Variants in MALRD1 observed in about 807,000 individuals in gnomAD.
MALRD1 encodes the protein MAM and LDL receptor class A domain containing 1, also known as MAM and LDL-receptor class A domain-containing protein 1.
A neutral mutation model predicts 242.1 loss-of-function variants in MALRD1; 247 were observed. The ratio of observed to expected loss-of-function variants is 1.02; its 90% CI spans 0.92 to 1.13. The LOEUF (loss-of-function observed/expected upper bound fraction) is 1.13, where lower values mean the gene tolerates loss of function less well. Among genes scored for constraint, MALRD1 ranks in the 50% most tolerant of loss-of-function variants. MALRD1 has a pLI of 0.00. For synonymous variants in MALRD1, 995 were observed against 866.6 expected (o/e 1.15, Z -2.60); for missense variants, 2,989 against 2,533.1 (o/e 1.18, Z -3.86).
intron 26 of MALRD1, among the ~76,000 whole-genome samples, chr10:19,372,825 G>A (rs549153516): frequency 6.6e-6 from 1 of 151,978 alleles, no homozygotes; most frequent in Non-Finnish European, 1.5e-5. Context: ...TTAAATTAAA[G>A]GTAAATTTAA....
chr10:19,315,200 GAAATATAATTTATAT>G (rs1842612326), intron 21 of MALRD1, among the ~76,000 whole-genome samples: 2 of 110,268 alleles, frequency 1.8e-5, no homozygotes, highest in African/African-American at 3.8e-5. Flanking sequence ...ATAATTTATA[GAAATATAATTTATAT>G]AAATATATAA....
chr10:19,628,437 C>T (rs1409745), intron 36 of MALRD1, among the ~76,000 whole-genome samples: 10,848 of 152,048 alleles, frequency 0.071, 913 homozygotes, highest in African/African-American at 0.2. Context: ...GTATGTAACA[C>T]TTTTTTAAAA....
At chr10:19,527,704 G>A (rs1181983410) in intron 31 of MALRD1, among the ~76,000 whole-genome samples, 2 of 152,080 alleles carry the variant, frequency 1.3e-5, no homozygotes. Flanking sequence ...CAAAGTCAAG[G>A]CTATTTATTC....
intron 21 of MALRD1, among the ~76,000 whole-genome samples, chr10:19,292,708 C>T (rs1035090785): frequency 1.3e-5 from 2 of 151,738 alleles, no homozygotes; most frequent in Admixed American, 1.3e-4. Context: ...CTGGCTAACA[C>T]GGTGAAACCC....
chr10:19,072,673 G>C (rs1353623080), intron 2 of MALRD1, among the ~76,000 whole-genome samples: 1 of 151,982 alleles, frequency 6.6e-6, no homozygotes, highest in Non-Finnish European at 1.5e-5. Context: ...CTTAATTTTA[G>C]TGCCCAGTGT....
intron 14 of MALRD1, among the ~76,000 whole-genome samples, chr10:19,200,658 T>TTTTGTTTTG (rs1836485936): frequency 6.8e-6 from 1 of 146,640 alleles, no homozygotes; most frequent in African/African-American, 2.5e-5. Flanking sequence ...TTTTTTTTTT[T>TTTTGTTTTG]TTTTTTTTTT....
Position 19,667,356 on chromosome 10 carries a change from G to A in MALRD1, c.6138-24926G>A, listed in dbSNP as rs78579065. Reference sequence around the variant, plus strand: ...CTTACTTAGCAGGGGCCAGCTATGAGGTACTGTTCCAGTGTTTTAGTCCTT... The same window carrying A: ...CTTACTTAGCAGGGGCCAGCTATGAAGTACTGTTCCAGTGTTTTAGTCCTT... On this transcript the variant is annotated intron_variant, in intron 36 of 39. Coordinates refer to ENST00000454679, the MANE Select transcript of MALRD1 (RefSeq NM_001142308.3). Among the ~76,000 whole-genome samples the A allele has an allele frequency of 3.5e-3, 532 of 152,238 alleles. 4 individuals are homozygous for A. Among genetic ancestry groups the A allele is most frequent in the African/African-American group, 0.012 (518 of 41,546 alleles).
intron 32 of MALRD1, among the ~76,000 whole-genome samples, chr10:19,564,360 T>A (rs536408311): frequency 1.3e-5 from 2 of 152,296 alleles, no homozygotes; most frequent in East Asian, 3.9e-4. Flanking sequence ...TGTTTAAATT[T>A]AGCAAGTTCT....
chr10:19,288,158 C>A (rs933777397), intron 21 of MALRD1, among the ~76,000 whole-genome samples: 1 of 151,656 alleles, frequency 6.6e-6, no homozygotes, highest in Non-Finnish European at 1.5e-5. Context: ...CTCACTGAAA[C>A]CTCTAGTTTT....
chr10:19,148,783 AAAAAAAT>A (rs200648360), intron 11 of MALRD1, among the ~76,000 whole-genome samples: 18,037 of 106,222 alleles, frequency 0.17, 1,610 homozygotes, highest in Non-Finnish European at 0.23. Context: ...TAAAAAAAAA[AAAAAAAT>A]ATATATATAT....
At chr10:19,618,544 A>G (rs1839267565) in intron 36 of MALRD1, among the ~76,000 whole-genome samples, 1 of 152,012 alleles carries the variant, frequency 6.6e-6, no homozygotes, top group Non-Finnish European at 1.5e-5. Flanking sequence ...GTGAGATGGT[A>G]TGTCACTATG....
At chr10:19,435,314 CATT>C (rs1488319974) in intron 28 of MALRD1, among the ~76,000 whole-genome samples, 1 of 152,006 alleles carries the variant, frequency 6.6e-6, no homozygotes, top group Non-Finnish European at 1.5e-5. Flanking sequence ...TAACATCTTA[CATT>C]AGAATAGTAC....
chr10:19,643,599 C>T (rs1465667286), intron 36 of MALRD1, among the ~76,000 whole-genome samples: 1 of 152,056 alleles, frequency 6.6e-6, no homozygotes. Flanking sequence ...GAAAAATCAG[C>T]ACTAATTCTG....
intron 36 of MALRD1, among the ~76,000 whole-genome samples, chr10:19,639,909 A>AT (rs1840308028): frequency 6.6e-6 from 1 of 151,796 alleles, no homozygotes; most frequent in Non-Finnish European, 1.5e-5. Context: ...AAAATATGGG[A>AT]TTTTGTGGGG....
At chr10:19,714,531 G>T (rs988869860) in intron 38 of MALRD1, among the ~76,000 whole-genome samples, 3 of 152,134 alleles carry the variant, frequency 2.0e-5, no homozygotes, top group Admixed American at 1.3e-4. Flanking sequence ...TCTGGGAAAT[G>T]CAACATTTGG....
At chr10:19,362,146 A>G (rs2130709071) in intron 26 of MALRD1, among the ~76,000 whole-genome samples, 1 of 152,242 alleles carries the variant, frequency 6.6e-6, no homozygotes, top group East Asian at 1.9e-4. Context: ...CCGTGAGTCA[A>G]GAATTTAAGA....
intron 36 of MALRD1, among the ~76,000 whole-genome samples, chr10:19,628,254 T>C (rs1313054264): frequency 6.6e-6 from 1 of 152,132 alleles, no homozygotes; most frequent in Non-Finnish European, 1.5e-5. Flanking sequence ...AAAGTGGCAA[T>C]ATTCATTCAA....
chr10:19,218,649 C>T (rs1292802880), intron 18 of MALRD1, among the ~76,000 whole-genome samples: 1 of 151,990 alleles, frequency 6.6e-6, no homozygotes, highest in Non-Finnish European at 1.5e-5. Context: ...CCCATTTATT[C>T]TACAGGTAGA....
intron 28 of MALRD1, among the ~76,000 whole-genome samples, chr10:19,391,995 C>T (rs1452853335): frequency 3.9e-5 from 6 of 152,182 alleles, no homozygotes; most frequent in African/African-American, 7.2e-5. Context: ...CAAGTCTAGC[C>T]TGAAGAAGCA....
Sources: allele counts gnomAD v4.1 joint callset (sites outside exome capture counted in the v4.1 genomes callset), GRCh38; gene constraint gnomAD v4.1.1; transcripts MANE v1.5; gene names NCBI Gene and HGNC (gene_info 2026-07-23, HGNC 2026-07-21).